DENND11: variants seen among roughly 807,000 people sequenced by gnomAD.
The protein encoded by DENND11 is DENN domain-containing protein 11.
In DENND11, 34 loss-of-function variants were observed where a neutral mutation model predicts 49.2. That is an observed-to-expected ratio of 0.69 (90% CI 0.53 to 0.92). The LOEUF (loss-of-function observed/expected upper bound fraction) is 0.92. DENND11 is among the 40% of genes least tolerant of loss of function. The probability of loss-of-function intolerance (pLI) is 0.00; values close to 1 mark genes in which losing one functional copy is unlikely to be tolerated. For synonymous variants in DENND11, 238 were observed against 230.3 expected (o/e 1.03, Z -0.30); for missense variants, 475 against 581.6 (o/e 0.82, Z 1.88).
At chr7:141,684,499 A>T (rs1251685820) in intron 3 of DENND11, among the ~76,000 whole-genome samples, 1 of 152,162 alleles carries the variant, frequency 6.6e-6, no homozygotes, top group Non-Finnish European at 1.5e-5. Context: ...TTCATGGAAT[A>T]TTGTCAATGG....
Position 141,666,315 on chromosome 7 carries a change from G to C in DENND11, c.792C>G (p.Pro264=). Residue 264 remains proline (P), a synonymous_variant, in exon 5 of 9, where the codon CCC becomes CCG. Transcript: ENST00000536163. ...LLRKRILIFS[P]PPVGVVCYRV... Reference sequence around the variant, plus strand: ...TATAGCACACCACGCCCACAGGTGGGGGAGAAAATATCAAAATGCGCTTTC... The same window carrying C: ...TATAGCACACCACGCCCACAGGTGGCGGAGAAAATATCAAAATGCGCTTTC... 6.2e-7 allele frequency: 1 copy of C among 1,612,928 alleles called. No individual in the cohort carries two copies. The highest frequency in any genetic ancestry group is 2.2e-5 in the East Asian group (1 of 44,858).
At chr7:141,681,241 A>C (rs1471552899) in intron 3 of DENND11, among the ~76,000 whole-genome samples, 1 of 152,202 alleles carries the variant, frequency 6.6e-6, no homozygotes, top group African/African-American at 2.4e-5. Context: ...CTACTGTAAG[A>C]ATAAGATAAA....
At chr7:141,685,029 AATAT>A (rs1167922771) in intron 3 of DENND11, among the ~76,000 whole-genome samples, 984 of 91,384 alleles carry the variant, frequency 0.011, 44 homozygotes, top group East Asian at 0.017. Context: ...AAAAAAAAAA[AATAT>A]ATATATATAT....
At chr7:141,701,347 G>A (rs1392861644) in intron 1 of DENND11, among the ~76,000 whole-genome samples, 1 of 149,144 alleles carries the variant, frequency 6.7e-6, no homozygotes, top group East Asian at 2.0e-4. Context: ...CAGAGGAAGC[G>A]ACGGGGAGCT....
chr7:141,686,500 G>A, intron 2 of DENND11, 59 bp downstream of exon 2: 1 of 1,093,648 alleles, frequency 9.1e-7, no homozygotes, highest in Non-Finnish European at 1.4e-6. Flanking sequence ...TTCAGCTTTG[G>A]GGAAAGTGTG....
At position 141,662,828 on chromosome 7, in the gene DENND11, C is replaced by T. The variant is rs779735592; in HGVS notation, c.1196G>A (p.Arg399Gln). 1.8e-5 allele frequency: 28 copies of T among 1,569,528 alleles called. No homozygotes were observed. The highest frequency in any genetic ancestry group is 2.7e-5 in the African/African-American group (2 of 73,604). The change falls in exon 9 of 9, where the codon CGG becomes CAG. Residue 399 changes from arginine to glutamine, a missense_variant. Coordinates refer to ENST00000536163, the MANE Select transcript of DENND11 (RefSeq NM_001080392.2). The stretch of plus-strand genomic sequence containing the variant: ...CACCTCCAACAAAGTCTGAAATATC[C>T]GGTTGTTTTGTTCTAGGAAAAACCT... ...FVLFFLEQNN[R>Q]IFQTLLEVSA... is the part of the protein sequence containing the mutation.
chr7:141,693,587 A>C (rs545745222), intron 1 of DENND11, among the ~76,000 whole-genome samples: 1 of 152,386 alleles, frequency 6.6e-6, no homozygotes, highest in East Asian at 1.9e-4. Flanking sequence ...ACTGGAAAAC[A>C]ACCATGATGT....
At position 141,677,961 on chromosome 7, in the gene DENND11, CTT is replaced by C. The variant is rs796426020; in HGVS notation, c.528-3743_528-3742del. ...TTACATACTGAATGACCTCAATAAT[CTT>C]TTTTTTTTTTTCTTTTGGAAATGGA... On this transcript the variant is annotated intron_variant, in intron 3 of 8. Transcript: ENST00000536163. Among the ~76,000 whole-genome samples the C allele has an allele frequency of 4.1e-3, 603 of 146,258 alleles. 4 individuals are homozygous for C. Among genetic ancestry groups the C allele is most frequent in the African/African-American group, 0.014 (560 of 40,114 alleles).
rs1272740759 is a variant in DENND11 at position 141,661,092 on chromosome 7, T to C, written c.*1564A>G. On this transcript the variant is annotated 3_prime_UTR_variant, in exon 9 of 9. Coordinates refer to ENST00000536163, the MANE Select transcript of DENND11 (RefSeq NM_001080392.2). ...ATAAAGCAGTGAACCCTAAGAATCTTATCTTGAGATGAGATGTGTGAACCA... is the reference window on the plus strand; with the variant it reads ...ATAAAGCAGTGAACCCTAAGAATCTCATCTTGAGATGAGATGTGTGAACCA... The C allele has an allele frequency of 6.6e-6, 1 of 152,252 alleles. No individual in the cohort carries two copies. The allele number at this position is 152,252 out of a possible 1,614,324, so 9.4% of individuals were successfully genotyped here.
intron 3 of DENND11, among the ~76,000 whole-genome samples, chr7:141,678,106 T>C (rs1798094074): frequency 6.6e-6 from 1 of 151,956 alleles, no homozygotes; most frequent in Admixed American, 6.6e-5. Context: ...GGACTACAGG[T>C]GCACACTGCC....
intron 4 of DENND11, among the ~76,000 whole-genome samples, chr7:141,670,417 GGAA>G (rs1025502455): frequency 6.6e-6 from 1 of 151,816 alleles, no homozygotes; most frequent in Non-Finnish European, 1.5e-5. Context: ...AAAAATATTT[GGAA>G]GAATAAAGAA....
chr7:141,678,122 C>T (rs1389084592), intron 3 of DENND11, among the ~76,000 whole-genome samples: 1 of 152,090 alleles, frequency 6.6e-6, no homozygotes, highest in Non-Finnish European at 1.5e-5. Context: ...CTGCCACGCC[C>T]AGCTAAGTTT....
At chr7:141,663,379 A>G (rs1797835393) in intron 8 of DENND11, 1 of 152,482 alleles carries the variant, frequency 6.6e-6, no homozygotes, top group Non-Finnish European at 1.5e-5. Flanking sequence ...TTCACTGCCT[A>G]GTTAGACTAG....
rs1319564538 is a variant in DENND11, at chr7:141,697,298, C to T, written c.268+4588G>A. ...TTTTTATTTTCCCCTCCTCAATTTT[C>T]AAGAGAAGAAACTGACTTCACAGCA... On this transcript the variant is annotated intron_variant, in intron 1 of 8. Coordinates refer to ENST00000536163, the MANE Select transcript of DENND11 (RefSeq NM_001080392.2). Among the ~76,000 whole-genome samples the T allele has an allele frequency of 5.3e-5, 8 of 152,154 alleles. No individual in the cohort carries two copies. The East Asian group carries it at 1.5e-3, about 29-fold the overall frequency.
At chr7:141,701,484 G>A (rs572052420) in intron 1 of DENND11, 2,201 of 149,800 alleles carry the variant, frequency 0.015, 28 homozygotes, top group Middle Eastern at 0.028. Flanking sequence ...CGCCCGGGGG[G>A]TTTCCTCCGC....
rs1488519789 is a variant in DENND11 at position 141,664,269 on chromosome 7, G to C, written c.1104-29C>G. Reference sequence around the variant, plus strand: ...TTGGGAAGATCACCGTGAGACTCTGGTGCAGGTACCAGGACCGCAGTCACA... The same window carrying C: ...TTGGGAAGATCACCGTGAGACTCTGCTGCAGGTACCAGGACCGCAGTCACA... On this transcript the variant is annotated intron_variant, in intron 7 of 8. Transcript: ENST00000536163. 1.9e-6 allele frequency: 3 copies of C among 1,555,552 alleles called. No homozygotes were observed. In the African/African-American group the frequency reaches 4.1e-5, roughly 21 times the overall value.
chr7:141,701,845 C>A (rs1798525871), intron 1 of DENND11, 41 bp downstream of exon 1: 1 of 1,163,816 alleles, frequency 8.6e-7, no homozygotes, highest in African/African-American at 1.6e-5. Context: ...TCGGGGGCAC[C>A]CCGACCCTCC....
At chr7:141,676,876 C>T (rs1179921134) in intron 3 of DENND11, among the ~76,000 whole-genome samples, 1 of 152,140 alleles carries the variant, frequency 6.6e-6, no homozygotes, top group Non-Finnish European at 1.5e-5. Flanking sequence ...AGAGCCGTGA[C>T]ACTGTAAAAA....
chr7:141,693,335 A>G (rs930173539), intron 1 of DENND11, among the ~76,000 whole-genome samples: 1 of 152,258 alleles, frequency 6.6e-6, no homozygotes, highest in African/African-American at 2.4e-5. Flanking sequence ...CAGAATGGCT[A>G]ACATTCAAAA....
Sources: allele counts gnomAD v4.1 joint callset (sites outside exome capture counted in the v4.1 genomes callset), GRCh38; gene constraint gnomAD v4.1.1; transcripts MANE v1.5; gene names NCBI Gene and HGNC (gene_info 2026-07-23, HGNC 2026-07-21).